ZDHHC14: variants seen among roughly 807,000 people sequenced by gnomAD.
ZDHHC14 encodes the protein zDHHC palmitoyltransferase 14.
Under a neutral mutation model 47.7 loss-of-function variants are expected in ZDHHC14, and 16 were observed. The ratio of observed to expected loss-of-function variants is 0.34; its 90% CI spans 0.23 to 0.51. ZDHHC14 has a LOEUF of 0.51. Ranked by LOEUF, ZDHHC14 falls within the 20% of genes least tolerant of loss-of-function variation. The probability of loss-of-function intolerance (pLI) is 0.97; values close to 1 mark genes in which losing one functional copy is unlikely to be tolerated. For missense variants in ZDHHC14, 515 were observed against 662.5 expected (o/e 0.78, Z 2.44); for synonymous variants, 293 against 278.9 (o/e 1.05, Z -0.50).
intron 2 of ZDHHC14, among the ~76,000 whole-genome samples, chr6:157,545,529 T>A (rs1781937040): frequency 6.6e-6 from 1 of 151,572 alleles, no homozygotes; most frequent in Non-Finnish European, 1.5e-5. Context: ...ACAAAAAAAA[T>A]TAGCCGGGTG....
At chr6:157,489,600 C>G (rs143398798) in intron 1 of ZDHHC14, among the ~76,000 whole-genome samples, 5,264 of 152,144 alleles carry the variant, frequency 0.035, 145 homozygotes, top group Non-Finnish European at 0.055. Context: ...TAGGGAGAGG[C>G]TGAATTAGAT....
At chr6:157,471,696 T>G (rs1779359263) in intron 1 of ZDHHC14, among the ~76,000 whole-genome samples, 1 of 152,200 alleles carries the variant, frequency 6.6e-6, no homozygotes, top group Admixed American at 6.5e-5. Context: ...AAGACGGTCT[T>G]GGAAGCCGGA....
chr6:157,599,589 A>G (rs556114783), intron 3 of ZDHHC14, among the ~76,000 whole-genome samples: 2 of 152,382 alleles, frequency 1.3e-5, no homozygotes, highest in Non-Finnish European at 2.9e-5. Flanking sequence ...GTTTACTTTA[A>G]TGGTGGATGG....
chr6:157,543,786 T>C (rs1781859910), intron 2 of ZDHHC14, among the ~76,000 whole-genome samples: 1 of 152,158 alleles, frequency 6.6e-6, no homozygotes, highest in South Asian at 2.1e-4. Context: ...AGACTGCAGC[T>C]GTCTTGTGTC....
At chr6:157,645,206 T>C (rs1777462146) in intron 5 of ZDHHC14, among the ~76,000 whole-genome samples, 1 of 152,036 alleles carries the variant, frequency 6.6e-6, no homozygotes, top group Admixed American at 6.6e-5. Context: ...GAAGAGGCCG[T>C]CCACTAAAGC....
At chr6:157,651,142 G>A (rs667092) in intron 7 of ZDHHC14, among the ~76,000 whole-genome samples, 51,244 of 152,148 alleles carry the variant, frequency 0.34, 8,926 homozygotes, top group Non-Finnish European at 0.39. Context: ...AAATGGGAGG[G>A]TTAAAACAAC....
chr6:157,638,017 C>T (rs547332177), intron 5 of ZDHHC14, among the ~76,000 whole-genome samples: 1 of 152,296 alleles, frequency 6.6e-6, no homozygotes, highest in East Asian at 1.9e-4. Context: ...CGAGTAGCTT[C>T]TACTGTAAGT....
intron 1 of ZDHHC14, among the ~76,000 whole-genome samples, chr6:157,465,105 C>CTT (rs772080368): frequency 0.046 from 4,674 of 101,840 alleles, 319 homozygotes; most frequent in African/African-American, 0.16. Flanking sequence ...TCTCTTTCTC[C>CTT]TTTTTTTTTT....
At chr6:157,579,230 C>G (rs1783427510) in intron 2 of ZDHHC14, among the ~76,000 whole-genome samples, 5 of 116,496 alleles carry the variant, frequency 4.3e-5, no homozygotes. Context: ...TGGAGTCTCA[C>G]TCTGTCGCCC....
chr6:157,425,704 A>G (rs1778204338), intron 1 of ZDHHC14, among the ~76,000 whole-genome samples: 1 of 152,160 alleles, frequency 6.6e-6, no homozygotes, highest in South Asian at 2.1e-4. Flanking sequence ...TGAAGTAGAA[A>G]CTAAAATTCT....
At chr6:157,458,073 A>G (rs1778971331) in intron 1 of ZDHHC14, among the ~76,000 whole-genome samples, 1 of 152,248 alleles carries the variant, frequency 6.6e-6, no homozygotes, top group Non-Finnish European at 1.5e-5. Flanking sequence ...TCAGGCGGAT[A>G]TGCCTCCTCT....
At chr6:157,545,481 C>T (rs1369990522) in intron 2 of ZDHHC14, among the ~76,000 whole-genome samples, 1 of 151,918 alleles carries the variant, frequency 6.6e-6, no homozygotes, top group East Asian at 1.9e-4. Context: ...TCGAGATCAT[C>T]CTGGCTAACA....
In ZDHHC14 at chr6:157,381,379, G is replaced by A; in HGVS notation, c.-643G>A. ...CTGCCAGGCGCAGCGACACCGGGTC[G>A]CGGTGCGAGCGGCGCCCCGGCTCTC... On this transcript the variant is annotated 5_prime_UTR_variant, in exon 1 of 9. Transcript: ENST00000359775. 1 of 173,854 alleles carries A rather than the reference G, an allele frequency of 5.8e-6. No individual in the cohort carries two copies. The highest frequency in any genetic ancestry group is 1.3e-5 in the Non-Finnish European group (1 of 79,606). The allele number at this position is 173,854 out of a possible 1,614,324, so 10.8% of individuals were successfully genotyped here.
chr6:157,519,650 C>T (rs1018216161), intron 1 of ZDHHC14, among the ~76,000 whole-genome samples: 2 of 152,312 alleles, frequency 1.3e-5, no homozygotes, highest in East Asian at 1.9e-4. Context: ...GCCTTGGAGC[C>T]GGGGTCTTAG....
Position 157,499,697 on chromosome 6 carries a change from A to G in ZDHHC14, c.246-42888A>G, listed in dbSNP as rs570873629. ...ACATGACGATGGTGTTCCATGTCAC[A>G]GGATGAGCAAGTTTTTGCTACTTGG... On this transcript the variant is annotated intron_variant, in intron 1 of 8. Coordinates refer to ENST00000359775, the MANE Select transcript of ZDHHC14 (RefSeq NM_024630.3). Among the ~76,000 whole-genome samples the G allele has an allele frequency of 2.3e-4, 35 of 152,348 alleles. No individual in the cohort carries two copies. The South Asian group carries it at 7.3e-3, about 32-fold the overall frequency.
chr6:157,484,905 C>G (rs1254432311), intron 1 of ZDHHC14, among the ~76,000 whole-genome samples: 1 of 152,054 alleles, frequency 6.6e-6, no homozygotes, highest in East Asian at 1.9e-4. Context: ...AGCGACCAGC[C>G]TGGCCAACAT....
intron 1 of ZDHHC14, among the ~76,000 whole-genome samples, chr6:157,536,058 G>A (rs980899167): frequency 1.3e-5 from 2 of 152,182 alleles, no homozygotes; most frequent in Non-Finnish European, 2.9e-5. Context: ...GTGAGTCATT[G>A]GCTCAGGTTA....
intron 1 of ZDHHC14, among the ~76,000 whole-genome samples, chr6:157,536,728 T>G (rs1781554150): frequency 6.6e-6 from 1 of 152,142 alleles, no homozygotes; most frequent in Admixed American, 6.5e-5. Flanking sequence ...CAGTATTGAT[T>G]CTGGGATGTC....
intron 1 of ZDHHC14, among the ~76,000 whole-genome samples, chr6:157,451,563 T>C (rs1343669289): frequency 6.6e-6 from 1 of 152,232 alleles, no homozygotes; most frequent in African/African-American, 2.4e-5. Flanking sequence ...TAAAAATTAT[T>C]ATTTTTATTA....
Sources: gnomAD v4.1 joint callset for allele counts (sites outside exome capture counted in the v4.1 genomes callset) on GRCh38, gnomAD v4.1.1 for gene constraint, MANE v1.5 for transcripts, NCBI Gene and HGNC (gene_info 2026-07-23, HGNC 2026-07-21) for gene names.